ADCY6: variants seen among roughly 807,000 people sequenced by gnomAD.
The protein encoded by ADCY6 is adenylate cyclase type 6.
Under a neutral mutation model 111.6 loss-of-function variants are expected in ADCY6, and 59 were observed. That is an observed-to-expected ratio of 0.53 (90% CI 0.43 to 0.66). The LOEUF (loss-of-function observed/expected upper bound fraction) is 0.66, where lower values mean the gene tolerates loss of function less well. ADCY6 is among the 30% of genes least tolerant of loss of function. The pLI is 0.00. For missense variants in ADCY6, 1,242 were observed against 1,595.6 expected, an observed-to-expected ratio of 0.78 and a Z score of 3.78; for synonymous variants, 576 against 642.9, an observed-to-expected ratio of 0.90 and a Z score of 1.57.
intron 1 of ADCY6, among the ~76,000 whole-genome samples, chr12:48,784,618 G>A (rs189779715): frequency 6.7e-6 from 1 of 149,778 alleles, no homozygotes; most frequent in East Asian, 1.9e-4. Flanking sequence ...GGTCCCAGTG[G>A]GTCCCGATCT....
At chr12:48,786,242 AC>A (rs1409210328) in intron 1 of ADCY6, among the ~76,000 whole-genome samples, 1 of 152,216 alleles carries the variant, frequency 6.6e-6, no homozygotes, top group Non-Finnish European at 1.5e-5. Flanking sequence ...AGGGACCCAC[AC>A]GCAGAAGGCA....
Position 48,768,088 on chromosome 12 carries a change from C to A in ADCY6, c.*503G>T, listed in dbSNP as rs1187964347. On this transcript the variant is annotated 3_prime_UTR_variant, in exon 22 of 22. Coordinates refer to ENST00000357869, the MANE Select transcript of ADCY6 (RefSeq NM_015270.5). Reference sequence around the variant, plus strand: ...ACACCTGGCTGGGGTGGGGAAGTGCCCAGGACCAGTGCTGGGGATGCAGGT... The same window carrying A: ...ACACCTGGCTGGGGTGGGGAAGTGCACAGGACCAGTGCTGGGGATGCAGGT... 5.3e-6 allele frequency: 1 copy of A among 189,340 alleles called. No homozygotes were observed. The highest frequency in any genetic ancestry group is 2.4e-5 in the African/African-American group (1 of 42,096). 11.7% of individuals were successfully genotyped at this position (189,340 alleles called of 1,614,324 possible). A position where few individuals can be genotyped will look rare whatever the true frequency, so the allele number is the denominator to read the frequency against.
rs1007169842 is a variant in ADCY6 at position 48,778,356 on chromosome 12, G to C, written c.865-99C>G. 2.0e-6 allele frequency: 3 copies of C among 1,503,730 alleles called. No homozygotes were observed. The African/African-American group carries it at 4.1e-5, about 21-fold the overall frequency. 93.1% of individuals were successfully genotyped at this position (1,503,730 alleles called of 1,614,324 possible). ...CAACTTGCTAGGTTCTCTGAGGAAGGAAGCCAGGGTCCTGCACCCTGTCTG... is the reference window on the plus strand; with the variant it reads ...CAACTTGCTAGGTTCTCTGAGGAAGCAAGCCAGGGTCCTGCACCCTGTCTG... On this transcript the variant is annotated intron_variant, in intron 2 of 21. Transcript: ENST00000357869.
At position 48,771,574 on chromosome 12, in the gene ADCY6, T is replaced by C; in HGVS notation, c.3051+136A>G. ...CATGGGTTCTTGCCTCTGCCTCCAC[T>C]GTGCATACCCTTACCCCTGATGACT... On this transcript the variant is annotated intron_variant, in intron 19 of 21. Transcript: ENST00000357869. The surrounding 1 kb of genome is among the most constrained non-coding windows in gnomAD (Gnocchi z 4.3). 7.0e-7 allele frequency: 1 copy of C among 1,422,160 alleles called. No individual in the cohort carries two copies. Among genetic ancestry groups the C allele is most frequent in the Non-Finnish European group, 9.8e-7 (1 of 1,022,078 alleles). The allele number at this position is 1,422,160 out of a possible 1,614,324, so 88.1% of individuals were successfully genotyped here.
At position 48,775,420 on chromosome 12, in the gene ADCY6, C is replaced by T. The variant is rs139946348; in HGVS notation, c.1863G>A (p.Glu621=). 3.1e-4 allele frequency: 497 copies of T among 1,614,034 alleles called. No homozygotes were observed. The highest frequency in any genetic ancestry group is 4.0e-4 in the Non-Finnish European group (467 of 1,180,034). ...GGCTCAGGAACTCATCCACCTCATCCTCAGGGTTCAGGGCATCTTGGGTGC... is the reference window on the plus strand; with the variant it reads ...GGCTCAGGAACTCATCCACCTCATCTTCAGGGTTCAGGGCATCTTGGGTGC... The part of the protein sequence containing the change: ...NRGTQDALNP[E]DEVDEFLSRA... The change falls in exon 11 of 22, where the codon GAG becomes GAA. Residue 621 remains glutamate (E), a synonymous_variant. Coordinates refer to ENST00000357869, the MANE Select transcript of ADCY6 (RefSeq NM_015270.5).
In ADCY6 at chr12:48,775,019, G is replaced by A. The variant is rs1172052297; in HGVS notation, c.2016C>T (p.Tyr672=). Residue 672 remains tyrosine, a synonymous_variant, in exon 12 of 22, where the codon TAC becomes TAT. Transcript: ENST00000357869. Reference sequence around the variant, plus strand: ...AGAAGACCAACAGGGCACAGGCAACGTAGGCTCCGAAGCGGGGATCCACCT... The same window carrying A: ...AGAAGACCAACAGGGCACAGGCAACATAGGCTCCGAAGCGGGGATCCACCT... The part of the protein sequence containing the change: ...SRKVDPRFGA[Y]VACALLVFCF... The A allele has an allele frequency of 2.1e-5, 33 of 1,557,822 alleles. No homozygotes were observed. The highest frequency in any genetic ancestry group is 5.8e-5 in the Admixed American group (3 of 51,496).
intron 10 of ADCY6, 58 bp from the exon 11 acceptor site, chr12:48,775,508 T>C: frequency 5.6e-6 from 9 of 1,607,288 alleles, no homozygotes; most frequent in Non-Finnish European, 7.7e-6. Context: ...TGAGAAACAA[T>C]GAAAGGAAAG....
chr12:48,787,415 C>A (rs1321078689), intron 1 of ADCY6, among the ~76,000 whole-genome samples: 1 of 152,192 alleles, frequency 6.6e-6, no homozygotes, highest in Non-Finnish European at 1.5e-5. Flanking sequence ...CTCTGACCCC[C>A]CCCAAGGGGA....
chr12:48,783,697 C>T lies in ADCY6; in HGVS notation c.-4-259G>A, dbSNP rs1941916268. 4.4e-6 allele frequency: 3 copies of T among 679,962 alleles called. No individual in the cohort carries two copies. In the Admixed American group the frequency reaches 1.0e-4, roughly 23 times the overall value. 42.1% of individuals were successfully genotyped at this position (679,962 alleles called of 1,614,324 possible). ...GTGGCTTACACCTGTAATCCCAGCA[C>T]TTTGTGAGGCCGAGATAGGAGGATG... On this transcript the variant is annotated intron_variant, in intron 1 of 21. Coordinates refer to ENST00000357869, the MANE Select transcript of ADCY6 (RefSeq NM_015270.5).
chr12:48,768,842 T>C (rs1941444768), intron 21 of ADCY6, 95 bp downstream of exon 21: 1 of 1,548,152 alleles, frequency 6.5e-7, no homozygotes, highest in Non-Finnish European at 8.8e-7. Flanking sequence ...CACAGAACAC[T>C]AGCCACCCTA....
At chr12:48,778,032 C>T (rs1941749388) in intron 3 of ADCY6, 76 bp downstream of exon 3, 2 of 1,530,922 alleles carry the variant, frequency 1.3e-6, no homozygotes, top group South Asian at 2.5e-5. Flanking sequence ...CGGAACTGGA[C>T]AAGGCAGCAG....
Position 48,768,394 on chromosome 12 carries a change from C to T in ADCY6, c.*197G>A, listed in dbSNP as rs965415599. Reference sequence around the variant, plus strand: ...TAAGAAAGAAAGTCACTTGCATAATCCTCTCGGTAGGTAGCCCCTTGTTTT... The same window carrying T: ...TAAGAAAGAAAGTCACTTGCATAATTCTCTCGGTAGGTAGCCCCTTGTTTT... On this transcript the variant is annotated 3_prime_UTR_variant, in exon 22 of 22. Coordinates refer to ENST00000357869, the MANE Select transcript of ADCY6 (RefSeq NM_015270.5). The T allele has an allele frequency of 6.9e-6, 5 of 721,726 alleles. No individual in the cohort carries two copies. Among genetic ancestry groups the T allele is most frequent in the Non-Finnish European group, 1.1e-5 (5 of 437,680 alleles). The allele number at this position is 721,726 out of a possible 1,614,324, so 44.7% of individuals were successfully genotyped here.
In ADCY6 at chr12:48,783,280, G is replaced by A. The variant is rs1941902582; in HGVS notation, c.155C>T (p.Pro52Leu). ...RYMSCLRDAEPPSPTPAGPPR... is the reference protein window; with the variant it reads ...RYMSCLRDAELPSPTPAGPPR... ...GGGGCCCGCAGGGGTGGGGCTGGGT[G>A]GCTCTGCATCCCGGAGGCAGCTCAT... The change falls in exon 2 of 22, where the codon CCA (proline) becomes CTA (leucine). Residue 52 changes from proline (P) to leucine (L), a missense_variant. By Grantham distance (98) the Pro-to-Leu change is moderately conservative. Coordinates refer to ENST00000357869, the MANE Select transcript of ADCY6 (RefSeq NM_015270.5). 1 of 1,612,302 alleles carries A rather than the reference G, an allele frequency of 6.2e-7. No individual in the cohort carries two copies. Among genetic ancestry groups the A allele is most frequent in the Non-Finnish European group, 8.5e-7 (1 of 1,179,502 alleles).
intron 1 of ADCY6, among the ~76,000 whole-genome samples, chr12:48,786,261 G>A (rs1941977668): frequency 1.3e-5 from 2 of 152,168 alleles, no homozygotes; most frequent in Admixed American, 6.5e-5. Context: ...GCAGGCTGGG[G>A]AATTCTCTGC....
chr12:48,767,787 T>C lies in ADCY6; in HGVS notation c.*804A>G, dbSNP rs560496564. ...ACTGCCCCAGCCCTGGCCGGCCTGC[T>C]CTTTGGCACCTGCAGGTGAACTTCC... On this transcript the variant is annotated 3_prime_UTR_variant, in exon 22 of 22. Transcript: ENST00000357869. 6.5e-6 allele frequency: 1 copy of C among 153,040 alleles called. No homozygotes were observed. Among genetic ancestry groups the C allele is most frequent in the African/African-American group, 2.4e-5 (1 of 41,572 alleles). 9.5% of individuals were successfully genotyped at this position (153,040 alleles called of 1,614,324 possible). A position where few individuals can be genotyped will look rare whatever the true frequency, so the allele number is the denominator to read the frequency against.
rs1941424800 is a variant in ADCY6, at chr12:48,768,141, C to A, written c.*450G>T. The A allele has an allele frequency of 4.4e-6, 1 of 224,980 alleles. No homozygotes were observed. The highest frequency in any genetic ancestry group is 1.2e-4 in the East Asian group (1 of 8,116). The allele number at this position is 224,980 out of a possible 1,614,324, so 13.9% of individuals were successfully genotyped here. ...TGCAAAGGCAAGCATGGAATAGGCACTCCTCATGCCTGTCTTTGTACAAAA... is the reference window on the plus strand; with the variant it reads ...TGCAAAGGCAAGCATGGAATAGGCAATCCTCATGCCTGTCTTTGTACAAAA... On this transcript the variant is annotated 3_prime_UTR_variant, in exon 22 of 22. Coordinates refer to ENST00000357869, the MANE Select transcript of ADCY6 (RefSeq NM_015270.5).
chr12:48,771,983 C>G lies in ADCY6; in HGVS notation c.2788-10G>C, dbSNP rs538084003. The G allele has an allele frequency of 4.4e-6, 7 of 1,600,720 alleles. No homozygotes were observed. In the South Asian group the frequency reaches 7.9e-5, roughly 18 times the overall value. Reference sequence around the variant, plus strand: ...CCTTCTCCCCTGTTGCCTGTGGACACCACACCCATCACCCATTGCCCGACA... The same window carrying G: ...CCTTCTCCCCTGTTGCCTGTGGACAGCACACCCATCACCCATTGCCCGACA... On this transcript the variant is annotated splice_polypyrimidine_tract_variant and intron_variant, in intron 18 of 21. Transcript: ENST00000357869. This position sits in a 1 kb window ranked among gnomAD's most constrained non-coding sequence, Gnocchi z 4.3.
At position 48,768,605 on chromosome 12, in the gene ADCY6, C is replaced by A. The variant is rs754647424; in HGVS notation, c.3493G>T (p.Gly1165Cys). Residue 1165 changes from glycine (G) to cysteine (C), a missense_variant, in exon 22 of 22, where the codon GGC (glycine) becomes TGC (cysteine). Gly to Cys is a radical substitution (Grantham distance 159). Coordinates refer to ENST00000357869, the MANE Select transcript of ADCY6 (RefSeq NM_015270.5). Reference protein sequence around the residue: ...GEMTTYFLNGGPSS With the variant: ...GEMTTYFLNGCPSS ...GCTGGGCCCTGTTAACTGCTGGGGC[C>A]CCCATTGAGGAAGTAGGTGGTCATC... 4 of 1,613,960 alleles carry A rather than the reference C, an allele frequency of 2.5e-6. No homozygotes were observed. The highest frequency in any genetic ancestry group is 1.3e-5 in the African/African-American group (1 of 74,888).
intron 1 of ADCY6, 26 bp from the exon 2 acceptor site, chr12:48,783,464 T>C: frequency 1.2e-6 from 2 of 1,613,910 alleles, no homozygotes; most frequent in East Asian, 2.2e-5. Flanking sequence ...GGAGATAGTA[T>C]TAGAGACCAT....
Sources: allele counts gnomAD v4.1 joint callset (sites outside exome capture counted in the v4.1 genomes callset), GRCh38; gene constraint gnomAD v4.1.1; non-coding constraint Gnocchi (gnomAD v3.1); transcripts MANE v1.5; gene names NCBI Gene and HGNC (gene_info 2026-07-23, HGNC 2026-07-21).